CEP162: variants seen among roughly 807,000 people sequenced by gnomAD.
CEP162 encodes the protein centrosomal protein 162.
A neutral mutation model predicts 169.2 loss-of-function variants in CEP162; 141 were observed. The ratio of observed to expected loss-of-function variants is 0.83; its 90% CI spans 0.73 to 0.96. The LOEUF (loss-of-function observed/expected upper bound fraction) is 0.96, where lower values mean the gene tolerates loss of function less well. CEP162 is among the 40% of genes least tolerant of loss of function. The pLI, the probability that CEP162 is intolerant of heterozygous loss-of-function variation, is 0.00. For missense variants in CEP162, 1,600 were observed against 1,587.2 expected (o/e 1.01, Z -0.14); for synonymous variants, 540 against 526.4 (o/e 1.03, Z -0.35).
rs1482917715 is a variant in CEP162, at chr6:84,174,153, C to T, written c.2061G>A (p.Arg687=). ...CAGCTGCTTCTCCAAAATGTAACCACCTTTGTTTTTTGTTTGTTTCTTCAA... is the reference window on the plus strand; with the variant it reads ...CAGCTGCTTCTCCAAAATGTAACCATCTTTGTTTTTTGTTTGTTTCTTCAA... ...SSFEETNKKQ[R]WLHFGEAADP... is the part of the protein sequence containing the mutation. The change falls in exon 16 of 27, where the codon AGG becomes AGA. Residue 687 remains arginine, a synonymous_variant. Coordinates refer to ENST00000403245, the MANE Select transcript of CEP162 (RefSeq NM_014895.4). 4 of 1,608,148 alleles carry T rather than the reference C, an allele frequency of 2.5e-6. No individual in the cohort carries two copies. Among genetic ancestry groups the T allele is most frequent in the African/African-American group, 2.7e-5 (2 of 74,770 alleles).
intron 21 of CEP162, among the ~76,000 whole-genome samples, chr6:84,156,597 G>C (rs1028347411): frequency 6.6e-6 from 1 of 152,110 alleles, no homozygotes; most frequent in African/African-American, 2.4e-5. Context: ...GGAGAAAAGG[G>C]AACACGTGTA....
chr6:84,137,622 A>G (rs2099514719), intron 25 of CEP162, among the ~76,000 whole-genome samples: 1 of 152,160 alleles, frequency 6.6e-6, no homozygotes, highest in East Asian at 1.9e-4. Flanking sequence ...AATAAGCAAT[A>G]ATAGCATCAA....
At chr6:84,134,923 C>T (rs201944052) in intron 25 of CEP162, among the ~76,000 whole-genome samples, 5,806 of 27,814 alleles carry the variant, frequency 0.21, 129 homozygotes, top group South Asian at 0.37. Flanking sequence ...CATATATACA[C>T]ACACACACAC....
intron 25 of CEP162, among the ~76,000 whole-genome samples, chr6:84,134,929 C>A (rs930253044): frequency 2.7e-5 from 4 of 149,066 alleles, no homozygotes; most frequent in African/African-American, 1.0e-4. Context: ...TACACACACA[C>A]ACACACACAC....
chr6:84,203,873 TA>T (rs1270596887), intron 7 of CEP162, 107 bp downstream of exon 7: 1 of 512,158 alleles, frequency 2.0e-6, no homozygotes. Context: ...TTTACAACAA[TA>T]AGCAAGATTA....
chr6:84,197,553 C>A (rs1313559545), intron 9 of CEP162, among the ~76,000 whole-genome samples: 1 of 152,096 alleles, frequency 6.6e-6, no homozygotes, highest in Non-Finnish European at 1.5e-5. Context: ...TGGCTCACGC[C>A]TGTAATCCCA....
At chr6:84,221,949 G>A (rs192118491) in intron 2 of CEP162, among the ~76,000 whole-genome samples, 10 of 149,380 alleles carry the variant, frequency 6.7e-5, no homozygotes, top group South Asian at 2.1e-4. Context: ...TCTACTCCCC[G>A]CCCTTCCCTC....
rs540885229 is a variant in CEP162 at position 84,149,564 on chromosome 6, C to T, written c.3769G>A (p.Glu1257Lys). ...GATAAAACAGATTTGTCATCTACCTCTTGAGTTGCTATTTTACGATTTAGT... is the reference window on the plus strand; with the variant it reads ...GATAAAACAGATTTGTCATCTACCTTTTGAGTTGCTATTTTACGATTTAGT... ...AELNRKIATQ[E>K]VLIRHFQSQV... Residue 1257 changes from glutamate to lysine, a missense_variant and splice_region_variant, in exon 24 of 27, where the codon GAG (glutamate) becomes AAG (lysine). Glu to Lys is a moderately conservative substitution (Grantham distance 56). Transcript: ENST00000403245. 81 of 1,590,522 alleles carry T rather than the reference C, an allele frequency of 5.1e-5. 1 individual carries two copies. The South Asian group carries it at 8.9e-4, about 17-fold the overall frequency.
At chr6:84,205,996 G>T (rs1213095570) in intron 6 of CEP162, among the ~76,000 whole-genome samples, 11 of 148,496 alleles carry the variant, frequency 7.4e-5, no homozygotes, top group African/African-American at 2.1e-4. Context: ...AAAATACCTA[G>T]GAATCCAACT....
chr6:84,152,363 C>T (rs1562016621), intron 23 of CEP162, among the ~76,000 whole-genome samples, 182 bp downstream of exon 23: 2 of 152,100 alleles, frequency 1.3e-5, no homozygotes, highest in Non-Finnish European at 2.9e-5. Context: ...TTTGGGCCAC[C>T]AGCAGGTAGA....
At chr6:84,211,873 T>C (rs144813496) in intron 6 of CEP162, among the ~76,000 whole-genome samples, 1 of 144,804 alleles carries the variant, frequency 6.9e-6, no homozygotes, top group Non-Finnish European at 1.5e-5. Context: ...AAGCATACCA[T>C]GATACACCAT....
chr6:84,212,496 T>C (rs1486009272), intron 6 of CEP162, among the ~76,000 whole-genome samples: 1 of 151,996 alleles, frequency 6.6e-6, no homozygotes, highest in Non-Finnish European at 1.5e-5. Context: ...GGTAGACATA[T>C]ATTGTGACTC....
intron 25 of CEP162, among the ~76,000 whole-genome samples, chr6:84,144,397 C>T (rs1015284967): frequency 6.6e-6 from 1 of 151,940 alleles, no homozygotes; most frequent in African/African-American, 2.4e-5. Flanking sequence ...TGTATTGTCA[C>T]AAAAATAACC....
intron 17 of CEP162, among the ~76,000 whole-genome samples, chr6:84,170,666 T>C (rs1379468899): frequency 6.6e-6 from 1 of 152,180 alleles, no homozygotes; most frequent in Non-Finnish European, 1.5e-5. Flanking sequence ...CAGAAACTTC[T>C]GAGAACAGTC....
chr6:84,138,329 G>A (rs2099515035), intron 25 of CEP162, among the ~76,000 whole-genome samples: 1 of 152,208 alleles, frequency 6.6e-6, no homozygotes, highest in African/African-American at 2.4e-5. Flanking sequence ...GAGCTCTAGA[G>A]TTGTCCAGTT....
chr6:84,175,014 T>C (rs1357005738), intron 14 of CEP162, 60 bp from the exon 15 acceptor site: 2 of 1,147,380 alleles, frequency 1.7e-6, no homozygotes, highest in Non-Finnish European at 2.5e-6. Context: ...TGAACACAGG[T>C]GGTTAATTAA....
At chr6:84,136,394 G>T (rs1023366977) in intron 25 of CEP162, among the ~76,000 whole-genome samples, 2 of 152,200 alleles carry the variant, frequency 1.3e-5, no homozygotes, top group Non-Finnish European at 2.9e-5. Flanking sequence ...CAGGTGATGA[G>T]ACAGAGAGGG....
At chr6:84,130,466 G>A (rs866525857) in intron 25 of CEP162, among the ~76,000 whole-genome samples, 2 of 152,088 alleles carry the variant, frequency 1.3e-5, no homozygotes, top group South Asian at 2.1e-4. Flanking sequence ...GGTAGAATTC[G>A]GCTGTGCACC....
intron 25 of CEP162, among the ~76,000 whole-genome samples, chr6:84,136,365 C>A (rs1422755494): frequency 6.6e-6 from 1 of 152,160 alleles, no homozygotes; most frequent in African/African-American, 2.4e-5. Context: ...GCTGCATTAA[C>A]CCATGACAGA....
Sources: allele counts gnomAD v4.1 joint callset (sites outside exome capture counted in the v4.1 genomes callset), GRCh38; gene constraint gnomAD v4.1.1; transcripts MANE v1.5; gene names NCBI Gene and HGNC (gene_info 2026-07-23, HGNC 2026-07-21).